CREB5: variants seen among roughly 807,000 people sequenced by gnomAD.
The protein encoded by CREB5 is cAMP responsive element binding protein 5.
Under a neutral mutation model 57.1 loss-of-function variants are expected in CREB5, and 19 were observed. The ratio of observed to expected loss-of-function variants is 0.33; its 90% CI spans 0.23 to 0.49. The LOEUF (loss-of-function observed/expected upper bound fraction) is 0.49, where lower values mean the gene tolerates loss of function less well. Ranked by LOEUF, CREB5 falls within the 20% of genes least tolerant of loss-of-function variation. The probability of loss-of-function intolerance (pLI) is 0.99; values close to 1 mark genes in which losing one functional copy is unlikely to be tolerated. For missense variants in CREB5, 579 were observed against 671.6 expected (o/e 0.86, Z 1.52); for synonymous variants, 238 against 238.3 (o/e 1.00, Z 0.01).
intron 5 of CREB5, among the ~76,000 whole-genome samples, chr7:28,714,756 G>T (rs932347563): frequency 1.3e-5 from 2 of 152,214 alleles, no homozygotes; most frequent in African/African-American, 4.8e-5. Flanking sequence ...GGAATAATCT[G>T]TCAAGTTGGA....
intron 7 of CREB5, 107 bp from the exon 8 acceptor site, chr7:28,804,091 GC>G: frequency 1.0e-6 from 1 of 978,736 alleles, no homozygotes. Context: ...ATTAACAATA[GC>G]ATCGTAAAAT....
chr7:28,717,431 C>T (rs1802756359), intron 5 of CREB5, among the ~76,000 whole-genome samples: 1 of 152,086 alleles, frequency 6.6e-6, no homozygotes, highest in South Asian at 2.1e-4. Context: ...GAGTGGAAAA[C>T]TTTATCTTCT....
At chr7:28,554,911 T>C (rs1169913144) in intron 4 of CREB5, among the ~76,000 whole-genome samples, 1 of 152,216 alleles carries the variant, frequency 6.6e-6, no homozygotes, top group Admixed American at 6.5e-5. Flanking sequence ...TCATTATTCA[T>C]CTCTGCTAGT....
At chr7:28,333,739 T>C (rs1235286512) in intron 1 of CREB5, among the ~76,000 whole-genome samples, 2 of 152,234 alleles carry the variant, frequency 1.3e-5, no homozygotes, top group South Asian at 4.1e-4. Flanking sequence ...TTCTTTTTTA[T>C]GGCTGAATAG....
chr7:28,318,738 A>G (rs1785429615), intron 1 of CREB5, among the ~76,000 whole-genome samples: 1 of 152,188 alleles, frequency 6.6e-6, no homozygotes, highest in African/African-American at 2.4e-5. Flanking sequence ...AGAATGAAAT[A>G]CTAGACTCTT....
chr7:28,768,002 A>T (rs963114376), intron 7 of CREB5, among the ~76,000 whole-genome samples: 7 of 152,250 alleles, frequency 4.6e-5, no homozygotes, highest in Non-Finnish European at 1.0e-4. Flanking sequence ...AATTGGTCTA[A>T]GATCCCCATA....
chr7:28,695,668 A>T (rs1194326015), intron 5 of CREB5, among the ~76,000 whole-genome samples: 1 of 151,136 alleles, frequency 6.6e-6, no homozygotes, highest in Non-Finnish European at 1.5e-5. Context: ...GCTTCCCACC[A>T]CTCTCTTCTC....
At chr7:28,621,478 C>G (rs751576921) in intron 5 of CREB5, among the ~76,000 whole-genome samples, 1 of 152,190 alleles carries the variant, frequency 6.6e-6, no homozygotes, top group Admixed American at 6.5e-5. Flanking sequence ...TTTCATGTGA[C>G]AAGACCTTCA....
chr7:28,618,909 G>A (rs1334502739), intron 5 of CREB5, among the ~76,000 whole-genome samples: 1 of 152,164 alleles, frequency 6.6e-6, no homozygotes, highest in African/African-American at 2.4e-5. Flanking sequence ...GTTAACAGCA[G>A]GCATTTGTTA....
intron 5 of CREB5, among the ~76,000 whole-genome samples, chr7:28,660,892 C>A (rs1358827099): frequency 6.6e-6 from 1 of 152,190 alleles, no homozygotes; most frequent in Non-Finnish European, 1.5e-5. Context: ...CCTCCTTGCT[C>A]TTCACAAACC....
At chr7:28,675,347 T>A (rs1413758958) in intron 5 of CREB5, among the ~76,000 whole-genome samples, 1 of 152,216 alleles carries the variant, frequency 6.6e-6, no homozygotes, top group Non-Finnish European at 1.5e-5. Context: ...CTCAACAGCA[T>A]CCTTGTACAA....
chr7:28,642,901 T>C (rs1233152038), intron 5 of CREB5, among the ~76,000 whole-genome samples: 1 of 151,252 alleles, frequency 6.6e-6, no homozygotes, highest in Non-Finnish European at 1.5e-5. Context: ...CCAGAGTGTA[T>C]ACAGATCTGT....
At chr7:28,585,495 AC>A (rs1285272527) in intron 5 of CREB5, among the ~76,000 whole-genome samples, 1 of 152,140 alleles carries the variant, frequency 6.6e-6, no homozygotes, top group Non-Finnish European at 1.5e-5. Flanking sequence ...CATTTTCGTG[AC>A]CGATCAGAGT....
intron 1 of CREB5, among the ~76,000 whole-genome samples, chr7:28,300,645 A>G (rs6978601): frequency 0.55 from 83,170 of 152,040 alleles, 25,454 homozygotes; most frequent in East Asian, 0.82. Flanking sequence ...AACCATGGAT[A>G]GTCTGTGCCG....
At chr7:28,348,408 TCACACACACA>T (rs59152695) in intron 1 of CREB5, among the ~76,000 whole-genome samples, 16 of 118,118 alleles carry the variant, frequency 1.4e-4, no homozygotes, top group Admixed American at 2.6e-4. Context: ...TCTCTCTCTC[TCACACACACA>T]CACACACACA....
intron 4 of CREB5, among the ~76,000 whole-genome samples, chr7:28,541,170 A>G (rs940351716): frequency 1.3e-5 from 2 of 152,254 alleles, no homozygotes; most frequent in Non-Finnish European, 1.5e-5. Context: ...TAGAAATGCT[A>G]TTAAATTAAG....
intron 1 of CREB5, among the ~76,000 whole-genome samples, chr7:28,373,048 T>C (rs115076610): frequency 6.6e-6 from 1 of 152,148 alleles, no homozygotes; most frequent in Non-Finnish European, 1.5e-5. Context: ...AGTCTGGTTC[T>C]CTGGGCCTCG....
rs375963068 is a variant in CREB5, at chr7:28,559,969, G to C, written c.292-10396G>C. Among the ~76,000 whole-genome samples the C allele has an allele frequency of 6.6e-5, 10 of 152,320 alleles. No homozygotes were observed. In the East Asian group the frequency reaches 1.3e-3, roughly 21 times the overall value. On this transcript the variant is annotated intron_variant, in intron 4 of 10. Coordinates refer to ENST00000357727, the MANE Select transcript of CREB5 (RefSeq NM_182898.4). ...GAATACCTTTAGTTAGGGAGGTGAC[G>C]TTTAAGATGAACCTGAAAAGGGGAG...
intron 2 of CREB5, among the ~76,000 whole-genome samples, chr7:28,490,287 AAGGCCAT>A (rs528706808): frequency 4.5e-4 from 68 of 152,374 alleles, no homozygotes; most frequent in African/African-American, 1.6e-3. Flanking sequence ...TCCATGAAGG[AAGGCCAT>A]AGGCCACCTT....
Sources: gnomAD v4.1 joint callset for allele counts (sites outside exome capture counted in the v4.1 genomes callset) on GRCh38, gnomAD v4.1.1 for gene constraint, MANE v1.5 for transcripts, NCBI Gene and HGNC (gene_info 2026-07-23, HGNC 2026-07-21) for gene names.